The following TTC29 variants were observed in gnomAD, a reference collection of about 807,000 sequenced individuals.
TTC29 encodes the protein tetratricopeptide repeat domain 29.
A neutral mutation model predicts 58.1 loss-of-function variants in TTC29; 49 were observed. That is an observed-to-expected ratio of 0.84 (90% confidence interval 0.67 to 1.07). TTC29 has a LOEUF of 1.07. Among genes scored for constraint, TTC29 ranks in the 50% least tolerant of loss-of-function variants. TTC29 has a pLI of 0.00. For synonymous variants in TTC29, 209 were observed against 196.8 expected (o/e 1.06, Z -0.52); for missense variants, 582 against 555.6 (o/e 1.05, Z -0.48).
chr4:146,837,844 A>T (rs149194764), intron 8 of TTC29, among the ~76,000 whole-genome samples: 1,657 of 152,058 alleles, frequency 0.011, 24 homozygotes, highest in African/African-American at 0.038. Flanking sequence ...ATAATATATA[A>T]AATATAAGTG....
At chr4:146,914,742 T>C (rs953518125) in intron 4 of TTC29, among the ~76,000 whole-genome samples, 1 of 152,166 alleles carries the variant, frequency 6.6e-6, no homozygotes, top group Non-Finnish European at 1.5e-5. Flanking sequence ...ATGGGTTTTA[T>C]TGCCATTTAA....
At position 146,708,329 on chromosome 4, in the gene TTC29, T is replaced by TAC. The variant is rs1453462769; in HGVS notation, c.1331-779_1331-778insGT. ...AAGTTTATATATATATATATATATA[T>TAC]ATATATATATATATATATATATATA... On this transcript the variant is annotated intron_variant, in intron 11 of 12. Coordinates refer to ENST00000325106, the MANE Select transcript of TTC29 (RefSeq NM_031956.4). Among the ~76,000 whole-genome samples the TAC allele has an allele frequency of 4.2e-3, 249 of 59,478 alleles. 13 individuals are homozygous for TAC. Among genetic ancestry groups the TAC allele is most frequent in the African/African-American group, 0.012 (239 of 19,780 alleles). 39.0% of individuals were successfully genotyped at this position (59,478 alleles called of 152,430 possible).
Position 146,854,983 on chromosome 4 carries a change from A to T in TTC29, c.885+12515T>A, listed in dbSNP as rs148244534. Among the ~76,000 whole-genome samples the T allele has an allele frequency of 4.2e-3, 635 of 152,240 alleles. 2 individuals carry two copies. Among genetic ancestry groups the T allele is most frequent in the South Asian group, 0.012 (60 of 4,822 alleles). The stretch of plus-strand genomic sequence containing the variant: ...TTCTCTTTTTCTATTCTCGGCCATC[A>T]TCTTCATCATTAAAAACAATGAATA... On this transcript the variant is annotated intron_variant, in intron 8 of 12. Coordinates refer to ENST00000325106, the MANE Select transcript of TTC29 (RefSeq NM_031956.4).
intron 2 of TTC29, among the ~76,000 whole-genome samples, chr4:146,943,169 CTTT>C (rs61184684): frequency 3.4e-3 from 201 of 59,362 alleles, no homozygotes; most frequent in South Asian, 0.013. Context: ...ATCAACTGTG[CTTT>C]TTTTTTTTTT....
At chr4:146,710,877 C>T (rs973990728) in intron 11 of TTC29, among the ~76,000 whole-genome samples, 4 of 151,952 alleles carry the variant, frequency 2.6e-5, no homozygotes, top group Non-Finnish European at 5.9e-5. Flanking sequence ...TAGAATAAGC[C>T]AGTAAATGCT....
intron 4 of TTC29, among the ~76,000 whole-genome samples, chr4:146,922,258 A>T (rs1255154411): frequency 2.8e-5 from 3 of 108,308 alleles, no homozygotes; most frequent in African/African-American, 1.1e-4. Context: ...TCAGGATGAT[A>T]AAAAAAAACC....
Position 146,874,710 on chromosome 4 carries a change from A to T in TTC29, c.799+6T>A. ...AAGCAATGTGAGAGAGTTCTTTTCC[A>T]CCCACCTTCTTTGGCTATTTCAGAA... On this transcript the variant is annotated splice_donor_region_variant and intron_variant, in intron 7 of 12. Coordinates refer to ENST00000325106, the MANE Select transcript of TTC29 (RefSeq NM_031956.4). 1 of 1,591,738 alleles carries T rather than the reference A, an allele frequency of 6.3e-7. No homozygotes were observed. The highest frequency in any genetic ancestry group is 8.6e-7 in the Non-Finnish European group (1 of 1,168,068).
At chr4:146,847,325 T>C (rs2150178007) in intron 8 of TTC29, among the ~76,000 whole-genome samples, 1 of 152,320 alleles carries the variant, frequency 6.6e-6, no homozygotes. Context: ...AGTAGAGTTT[T>C]GGCCTGACAA....
intron 11 of TTC29, among the ~76,000 whole-genome samples, chr4:146,731,325 G>T (rs572190824): frequency 1.3e-5 from 2 of 152,196 alleles, no homozygotes; most frequent in African/African-American, 4.8e-5. Context: ...ATTGTTGGCT[G>T]GGAGAGAGGG....
intron 6 of TTC29, among the ~76,000 whole-genome samples, chr4:146,898,311 G>C (rs554266167): frequency 6.6e-6 from 1 of 152,134 alleles, no homozygotes. Flanking sequence ...AGGGAGTGCT[G>C]GTAGTTATTT....
intron 11 of TTC29, among the ~76,000 whole-genome samples, chr4:146,740,131 A>G (rs1335994825): frequency 1.3e-5 from 2 of 152,216 alleles, no homozygotes; most frequent in Non-Finnish European, 1.5e-5. Flanking sequence ...TCTCTAGCCT[A>G]TTAAATAAAT....
At chr4:146,833,738 A>C (rs1579786999) in intron 9 of TTC29, 68 bp downstream of exon 9, 1 of 1,303,828 alleles carries the variant, frequency 7.7e-7, no homozygotes, top group East Asian at 2.3e-5. Flanking sequence ...GACAGACCTC[A>C]AACAATTTAA....
intron 11 of TTC29, among the ~76,000 whole-genome samples, chr4:146,708,503 T>C (rs1401705892): frequency 6.6e-6 from 1 of 150,788 alleles, no homozygotes. Flanking sequence ...ATATATGACT[T>C]CATTTATCAT....
At chr4:146,745,228 G>A (rs1031178325) in intron 11 of TTC29, among the ~76,000 whole-genome samples, 3 of 152,214 alleles carry the variant, frequency 2.0e-5, no homozygotes, top group Non-Finnish European at 4.4e-5. Context: ...AGAGGAAAAG[G>A]GCACAGGGCC....
intron 10 of TTC29, among the ~76,000 whole-genome samples, chr4:146,807,914 A>G (rs1005261065): frequency 6.6e-6 from 1 of 152,186 alleles, no homozygotes; most frequent in African/African-American, 2.4e-5. Context: ...CCTGATAACA[A>G]AACCTGGTAG....
chr4:146,835,099 T>C (rs1296295614), intron 8 of TTC29, among the ~76,000 whole-genome samples: 3 of 152,206 alleles, frequency 2.0e-5, no homozygotes, highest in African/African-American at 7.2e-5. Flanking sequence ...GTTAATGTGG[T>C]GAGAATGTTA....
At chr4:146,721,918 A>T (rs186205827) in intron 11 of TTC29, among the ~76,000 whole-genome samples, 1 of 152,222 alleles carries the variant, frequency 6.6e-6, no homozygotes, top group African/African-American at 2.4e-5. Flanking sequence ...AACCCTAAAG[A>T]CTCTGCCAAA....
At chr4:146,710,631 G>C (rs985397558) in intron 11 of TTC29, among the ~76,000 whole-genome samples, 2 of 152,094 alleles carry the variant, frequency 1.3e-5, no homozygotes, top group African/African-American at 4.8e-5. Context: ...TGTGATTTGA[G>C]ATGTTTGATC....
intron 4 of TTC29, among the ~76,000 whole-genome samples, chr4:146,929,263 A>C (rs1198059540): frequency 4.6e-5 from 7 of 152,182 alleles, no homozygotes; most frequent in Non-Finnish European, 1.0e-4. Flanking sequence ...TAAGGTCAAC[A>C]AAAAAATGCT....
Sources: allele counts gnomAD v4.1 joint callset (sites outside exome capture counted in the v4.1 genomes callset), GRCh38; gene constraint gnomAD v4.1.1; transcripts MANE v1.5; gene names NCBI Gene and HGNC (gene_info 2026-07-23, HGNC 2026-07-21).